MAD2L1BP: variants seen among roughly 807,000 people sequenced by gnomAD.
The protein encoded by MAD2L1BP is MAD2L1 binding protein, also known as MAD2L1-binding protein.
MAD2L1BP carries 22 observed loss-of-function variants against 28.4 expected under a neutral mutation model. That is an observed-to-expected ratio of 0.77 (90% CI 0.55 to 1.10). The LOEUF is 1.10. Ranked by LOEUF, MAD2L1BP falls within the 50% of genes least tolerant of loss-of-function variation. The pLI is 0.00. For missense variants in MAD2L1BP, 325 were observed against 350.5 expected, an observed-to-expected ratio of 0.93 and a Z score of 0.58; for synonymous variants, 146 against 133.7, an observed-to-expected ratio of 1.09 and a Z score of -0.63.
In MAD2L1BP at chr6:43,640,207, C is replaced by T. The variant is rs778792631; in HGVS notation, c.499C>T (p.Leu167Phe). The change falls in exon 3 of 3, where the codon CTC (leucine) becomes TTC (phenylalanine). Residue 167 changes from leucine (L) to phenylalanine (F), a missense_variant. Transcript: ENST00000372171. ...NALSPKEFYE[L>F]DLSLLAPYSV... The stretch of plus-strand genomic sequence containing the variant: ...CCTAAGCCCCAAGGAGTTCTATGAA[C>T]TCGACTTGTCTCTGCTGGCCCCCTA... 1.2e-6 allele frequency: 2 copies of T among 1,613,948 alleles called. No homozygotes were observed. The highest frequency in any genetic ancestry group is 1.7e-6 in the Non-Finnish European group (2 of 1,179,956).
upstream of MAD2L1BP, among the ~76,000 whole-genome samples, chr6:43,635,267 A>T (rs1770135027): frequency 6.6e-6 from 1 of 152,220 alleles, no homozygotes; most frequent in East Asian, 1.9e-4. Context: ...AACTCTTTTC[A>T]TTCCTTGTAC....
At chr6:43,633,890 T>C (rs886714303), upstream of MAD2L1BP, among the ~76,000 whole-genome samples, 1 of 152,196 alleles carries the variant, frequency 6.6e-6, no homozygotes, top group Non-Finnish European at 1.5e-5. Context: ...TCTATTTTTC[T>C]TTATCCTCCT....
At position 43,635,849 on chromosome 6, in the gene MAD2L1BP, G is replaced by C. The variant is rs1174832062; in HGVS notation, c.-27G>C. 1 of 1,466,030 alleles carries C rather than the reference G, an allele frequency of 6.8e-7. No homozygotes were observed. Among genetic ancestry groups the C allele is most frequent in the Non-Finnish European group, 9.0e-7 (1 of 1,114,048 alleles). 90.8% of individuals were successfully genotyped at this position (1,466,030 alleles called of 1,614,324 possible). A position where few individuals can be genotyped will look rare whatever the true frequency, so the allele number is the denominator to read the frequency against. ...GCCCCGCGAGACCTTTATTCTAACC[G>C]CAAGGAGTAGCGGAGGGGAGGTCGT... On this transcript the variant is annotated 5_prime_UTR_variant, in exon 1 of 3. Transcript: ENST00000372171.
upstream of MAD2L1BP, chr6:43,633,401 AC>A (rs1426900317): frequency 3.6e-6 from 1 of 276,510 alleles, no homozygotes; most frequent in Admixed American, 5.1e-5. Flanking sequence ...CAAACTCCCG[AC>A]CTCAGGTGAT....
chr6:43,633,315 G>A (rs1448318482), upstream of MAD2L1BP: 6 of 345,820 alleles, frequency 1.7e-5, no homozygotes, highest in African/African-American at 1.4e-4. Context: ...TGAGATTATA[G>A]GTATGCACCA....
In MAD2L1BP at chr6:43,636,546, A is replaced by G. The variant is rs776763915; in HGVS notation, c.212A>G (p.Gln71Arg). ...PGPVSQEGCC[Q>R]FTCELLKHIM... ...CCTGTGAGCCAGGAAGGCTGCTGTC[A>G]GTTTACTTGTGAACTTCTAAAGCAT... The change falls in exon 2 of 3, where the codon CAG (glutamine) becomes CGG (arginine). Residue 71 changes from glutamine (Q) to arginine (R), a missense_variant. Coordinates refer to ENST00000372171, the MANE Select transcript of MAD2L1BP (RefSeq NM_014628.3). The G allele has an allele frequency of 6.2e-7, 1 of 1,614,138 alleles. No individual in the cohort carries two copies.
upstream of MAD2L1BP, among the ~76,000 whole-genome samples, chr6:43,630,856 C>G (rs1165181882): frequency 7.3e-6 from 1 of 137,718 alleles, no homozygotes; most frequent in Admixed American, 7.7e-5. Context: ...TTATAGTGAA[C>G]TGAGATCATG....
upstream of MAD2L1BP, among the ~76,000 whole-genome samples, chr6:43,633,871 G>A (rs779955267): frequency 2.6e-5 from 4 of 152,102 alleles, no homozygotes; most frequent in Non-Finnish European, 5.9e-5. Context: ...CACCTTGCCC[G>A]GCCATTTGTC....
At chr6:43,635,418 CTT>C (rs967501275), upstream of MAD2L1BP, among the ~76,000 whole-genome samples, 1 of 152,224 alleles carries the variant, frequency 6.6e-6, no homozygotes, top group African/African-American at 2.4e-5. Context: ...GTCAGCCACC[CTT>C]GTTTTTCACT....
At chr6:43,638,775 G>A (rs764712230) in intron 2 of MAD2L1BP, among the ~76,000 whole-genome samples, 1 of 151,050 alleles carries the variant, frequency 6.6e-6, no homozygotes, top group Non-Finnish European at 1.5e-5. Flanking sequence ...CAGCCTGGGC[G>A]AAAGAGCGAA....
At chr6:43,629,744 TC>T (rs1360183469) in exon 1 of MAD2L1BP, 1 of 1,553,880 alleles carries the variant, frequency 6.4e-7, no homozygotes, top group South Asian at 1.2e-5. Context: ...CTCAGTTTCT[TC>T]CCCTATGGCC....
At chr6:43,631,330 CAG>C (rs1052619457), upstream of MAD2L1BP, among the ~76,000 whole-genome samples, 5 of 152,136 alleles carry the variant, frequency 3.3e-5, no homozygotes, top group African/African-American at 1.2e-4. Context: ...CTAGGGAACT[CAG>C]TGAGAGATCT....
At chr6:43,639,201 G>A (rs898142982) in intron 2 of MAD2L1BP, among the ~76,000 whole-genome samples, 1 of 151,274 alleles carries the variant, frequency 6.6e-6, no homozygotes, top group African/African-American at 2.4e-5. Context: ...GTGCAGTGGC[G>A]TGATCTCAGC....
intron 2 of MAD2L1BP, 150 bp from the exon 3 acceptor site, chr6:43,639,871 T>C: frequency 5.7e-6 from 3 of 521,890 alleles, no homozygotes; most frequent in Non-Finnish European, 6.3e-6. Flanking sequence ...TAATACCCTC[T>C]GATAAAACAC....
intron 2 of MAD2L1BP, among the ~76,000 whole-genome samples, chr6:43,637,665 G>A (rs1321141318): frequency 6.6e-6 from 1 of 150,392 alleles, no homozygotes; most frequent in East Asian, 2.0e-4. Flanking sequence ...GTCGTGCCAT[G>A]TTGGCTCACT....
upstream of MAD2L1BP, among the ~76,000 whole-genome samples, chr6:43,633,650 C>A (rs1770047570): frequency 6.6e-6 from 1 of 152,168 alleles, no homozygotes; most frequent in Non-Finnish European, 1.5e-5. Context: ...ATGCACTCCC[C>A]TTGCCTTGAA....
upstream of MAD2L1BP, among the ~76,000 whole-genome samples, chr6:43,635,413 C>A (rs186049335): frequency 5.3e-5 from 8 of 152,346 alleles, no homozygotes; most frequent in East Asian, 1.3e-3. Flanking sequence ...TGTGGGTCAG[C>A]CACCCTTGTT....
At chr6:43,638,242 A>C (rs1770361205) in intron 2 of MAD2L1BP, among the ~76,000 whole-genome samples, 1 of 151,382 alleles carries the variant, frequency 6.6e-6, no homozygotes, top group African/African-American at 2.4e-5. Flanking sequence ...GAGTTTCACC[A>C]TGTTGGCCAG....
At chr6:43,636,312 G>A (rs1770215445) in intron 1 of MAD2L1BP, 69 bp from the exon 2 acceptor site, 1 of 1,547,040 alleles carries the variant, frequency 6.5e-7, no homozygotes, top group African/African-American at 1.4e-5. Context: ...GTCGGCCACA[G>A]GGAATGAGAA....
Sources: gnomAD v4.1 joint callset for allele counts (sites outside exome capture counted in the v4.1 genomes callset) on GRCh38, gnomAD v4.1.1 for gene constraint, MANE v1.5 for transcripts, NCBI Gene and HGNC (gene_info 2026-07-23, HGNC 2026-07-21) for gene names.